The following TMEM184B variants were observed in gnomAD, a reference collection of about 807,000 sequenced individuals.
TMEM184B encodes the protein transmembrane protein 184B.
TMEM184B carries 17 observed loss-of-function variants against 41.8 expected under a neutral mutation model. The observed-to-expected ratio is 0.41, with a 90% CI of 0.28 to 0.61. The LOEUF (loss-of-function observed/expected upper bound fraction) is 0.61. Among genes scored for constraint, TMEM184B ranks in the 20% least tolerant of loss-of-function variants. TMEM184B has a pLI of 0.34. For missense variants in TMEM184B, 393 were observed against 557.8 expected (o/e 0.70, Z 2.98); for synonymous variants, 240 against 229.5 (o/e 1.05, Z -0.41).
chr22:38,268,678 G>A (rs2092478410), intron 1 of TMEM184B, among the ~76,000 whole-genome samples: 8 of 152,206 alleles, frequency 5.3e-5, no homozygotes, highest in Admixed American at 5.2e-4. Flanking sequence ...TGCTTTGCAT[G>A]TGCTCTTCCT....
chr22:38,247,712 C>G, intron 2 of TMEM184B, 58 bp downstream of exon 2: 3 of 1,543,060 alleles, frequency 1.9e-6, no homozygotes, highest in Non-Finnish European at 2.6e-6. Flanking sequence ...AACCCACACT[C>G]TGTTCAGCCA....
At chr22:38,238,494 G>A (rs991473196) in intron 3 of TMEM184B, among the ~76,000 whole-genome samples, 13 of 152,184 alleles carry the variant, frequency 8.5e-5, no homozygotes, top group African/African-American at 2.9e-4. Context: ...AAAGTGGTGG[G>A]ATTATAGGCG....
At chr22:38,230,576 G>T in intron 5 of TMEM184B, 93 bp downstream of exon 5, 1 of 1,314,510 alleles carries the variant, frequency 7.6e-7, no homozygotes, top group Non-Finnish European at 1.1e-6. Flanking sequence ...TAGGAAAGGG[G>T]ACCTCTAAGG....
chr22:38,267,645 C>T (rs1184146579), intron 1 of TMEM184B, among the ~76,000 whole-genome samples: 2 of 152,040 alleles, frequency 1.3e-5, no homozygotes, highest in Non-Finnish European at 2.9e-5. Context: ...GTTGGCCAGG[C>T]TGGTCTCCAA....
At chr22:38,272,587 G>A (rs1418112798) in intron 1 of TMEM184B, 2 of 985,404 alleles carry the variant, frequency 2.0e-6, no homozygotes, top group African/African-American at 3.5e-5. Flanking sequence ...CTCTCCCGGG[G>A]CCGCCCCCCG....
chr22:38,271,351 T>A (rs1282079295), intron 1 of TMEM184B, among the ~76,000 whole-genome samples: 1 of 152,170 alleles, frequency 6.6e-6, no homozygotes, highest in East Asian at 1.9e-4. Context: ...AAAGGATGAT[T>A]CCATCCAGGC....
intron 1 of TMEM184B, among the ~76,000 whole-genome samples, chr22:38,269,240 C>T (rs750127273): frequency 1.3e-5 from 2 of 152,218 alleles, no homozygotes; most frequent in Admixed American, 1.3e-4. Flanking sequence ...CTTTTTAAGA[C>T]GGAGTCTTGT....
intron 1 of TMEM184B, among the ~76,000 whole-genome samples, chr22:38,265,071 C>G (rs796722816): frequency 3.9e-5 from 6 of 152,322 alleles, no homozygotes; most frequent in African/African-American, 1.4e-4. Context: ...ATTGACAAAT[C>G]TGTGTATAGA....
chr22:38,263,849 G>C (rs1298963530), intron 1 of TMEM184B, among the ~76,000 whole-genome samples: 2 of 152,216 alleles, frequency 1.3e-5, no homozygotes, highest in Non-Finnish European at 2.9e-5. Context: ...CTGTCTCCCA[G>C]GCTGAAGTGC....
In TMEM184B at chr22:38,265,860, G is replaced by A. The variant is rs577786884; in HGVS notation, c.-59+7024C>T. On this transcript the variant is annotated intron_variant, in intron 1 of 8. Coordinates refer to ENST00000361906, the MANE Select transcript of TMEM184B (RefSeq NM_012264.5). ...AGGCTCTGCCAGTAGCTACAGCGGCGCCATGGGGTTAGTTATTTTCTCTCG... is the reference window on the plus strand; with the variant it reads ...AGGCTCTGCCAGTAGCTACAGCGGCACCATGGGGTTAGTTATTTTCTCTCG... Among the ~76,000 whole-genome samples, 114 of 152,310 alleles carry A rather than the reference G, an allele frequency of 7.5e-4. 1 individual carries two copies. Among genetic ancestry groups the A allele is most frequent in the East Asian group, 4.4e-3 (23 of 5,184 alleles).
chr22:38,250,028 C>T (rs1346628593), intron 1 of TMEM184B, among the ~76,000 whole-genome samples: 1 of 152,240 alleles, frequency 6.6e-6, no homozygotes, highest in Non-Finnish European at 1.5e-5. Context: ...AAAATGAGCT[C>T]AGAGAATGAG....
At chr22:38,248,745 G>A (rs894888826) in intron 1 of TMEM184B, among the ~76,000 whole-genome samples, 6 of 152,194 alleles carry the variant, frequency 3.9e-5, no homozygotes, top group South Asian at 2.1e-4. Context: ...ACTGGGAACC[G>A]TGGACACACA....
At chr22:38,246,815 C>T (rs1410397887) in intron 2 of TMEM184B, 4 of 1,291,192 alleles carry the variant, frequency 3.1e-6, no homozygotes, top group Admixed American at 2.5e-5. Flanking sequence ...CCACAGTCCT[C>T]AGTCCAGGCA....
At chr22:38,264,601 C>T (rs1383030218) in intron 1 of TMEM184B, among the ~76,000 whole-genome samples, 3 of 152,224 alleles carry the variant, frequency 2.0e-5, no homozygotes, top group Admixed American at 2.0e-4. Context: ...TGTTATGTAA[C>T]TCCTGTGCCC....
chr22:38,269,210 C>T (rs376407767), intron 1 of TMEM184B, among the ~76,000 whole-genome samples: 2 of 152,220 alleles, frequency 1.3e-5, no homozygotes, highest in South Asian at 4.1e-4. Flanking sequence ...CTCCTCCTCC[C>T]GTGCTCCTAG....
intron 1 of TMEM184B, among the ~76,000 whole-genome samples, chr22:38,264,517 C>T (rs2092417027): frequency 2.0e-5 from 3 of 152,306 alleles, no homozygotes; most frequent in Admixed American, 2.0e-4. Flanking sequence ...GCAGGGGACA[C>T]CACAGCCATG....
At chr22:38,242,093 G>A (rs867102331) in intron 3 of TMEM184B, among the ~76,000 whole-genome samples, 9 of 151,918 alleles carry the variant, frequency 5.9e-5, no homozygotes, top group South Asian at 2.1e-4. Context: ...GGGGAGTTTC[G>A]TGTTTCAACC....
intron 5 of TMEM184B, among the ~76,000 whole-genome samples, chr22:38,227,544 G>T (rs1309487547): frequency 1.3e-5 from 2 of 152,114 alleles, no homozygotes; most frequent in African/African-American, 2.4e-5. Context: ...CTACTCTCTG[G>T]GCCTGGGTCC....
chr22:38,251,896 G>GTTTT (rs561046707), intron 1 of TMEM184B, among the ~76,000 whole-genome samples: 2,170 of 141,690 alleles, frequency 0.015, 51 homozygotes, highest in African/African-American at 0.048. Context: ...AGATGATGCT[G>GTTTT]TTTTTTTTTT....
Sources: gnomAD v4.1 joint callset for allele counts (sites outside exome capture counted in the v4.1 genomes callset) on GRCh38, gnomAD v4.1.1 for gene constraint, MANE v1.5 for transcripts, NCBI Gene and HGNC (gene_info 2026-07-23, HGNC 2026-07-21) for gene names.